Variants in CCDC14 observed in about 807,000 individuals in gnomAD.
The protein encoded by CCDC14 is coiled-coil domain-containing protein 14.
In CCDC14, 71 loss-of-function variants were observed where a neutral mutation model predicts 81.4. That is an observed-to-expected ratio of 0.87 (90% CI 0.72 to 1.06). The LOEUF (loss-of-function observed/expected upper bound fraction) is 1.06. Ranked by LOEUF, CCDC14 falls within the 50% of genes least tolerant of loss-of-function variation. CCDC14 has a pLI of 0.00. For synonymous variants in CCDC14, 332 were observed against 364.8 expected (o/e 0.91, Z 1.03); for missense variants, 1,046 against 1,047.3 (o/e 1.00, Z 0.02).
At chr3:123,945,536 A>T (rs2036582073) in intron 8 of CCDC14, among the ~76,000 whole-genome samples, 1 of 152,122 alleles carries the variant, frequency 6.6e-6, no homozygotes, top group Admixed American at 6.6e-5. Context: ...ATGTGACATC[A>T]AAAGTTTGTT....
intron 12 of CCDC14, among the ~76,000 whole-genome samples, chr3:123,926,534 T>C (rs1232300067): frequency 6.8e-6 from 1 of 146,882 alleles, no homozygotes; most frequent in Non-Finnish European, 1.5e-5. Context: ...TTATATATTA[T>C]TTAATTTATA....
intron 12 of CCDC14, among the ~76,000 whole-genome samples, chr3:123,928,014 T>C (rs1354269226): frequency 1.3e-5 from 2 of 152,200 alleles, no homozygotes; most frequent in Non-Finnish European, 2.9e-5. Context: ...GCTCTGGTCC[T>C]AGTTCAGACA....
chr3:123,958,383 T>C (rs1030254525), intron 1 of CCDC14: 1 of 152,118 alleles, frequency 6.6e-6, no homozygotes, highest in Non-Finnish European at 1.5e-5. Flanking sequence ...GGCTATATTA[T>C]AGAAAATCTG....
downstream of CCDC14, among the ~76,000 whole-genome samples, chr3:123,909,975 T>C (rs2034405426): frequency 6.6e-6 from 1 of 152,226 alleles, no homozygotes; most frequent in South Asian, 2.1e-4. Flanking sequence ...ATGATAATTT[T>C]CATATTTCAT....
intron 12 of CCDC14, among the ~76,000 whole-genome samples, chr3:123,929,056 C>T (rs1418196634): frequency 6.6e-6 from 1 of 152,072 alleles, no homozygotes; most frequent in East Asian, 1.9e-4. Flanking sequence ...AGCAGTATGA[C>T]AAAAAAGATT....
downstream of CCDC14, among the ~76,000 whole-genome samples, chr3:123,909,995 C>A (rs1192489743): frequency 1.3e-5 from 2 of 152,110 alleles, no homozygotes; most frequent in Non-Finnish European, 2.9e-5. Context: ...TTATTCATGG[C>A]CTCTAAAAGC....
intron 8 of CCDC14, 145 bp downstream of exon 8, chr3:123,946,658 T>C: frequency 1.3e-6 from 1 of 783,868 alleles, no homozygotes; most frequent in Non-Finnish European, 2.0e-6. Flanking sequence ...TAAAAAATAA[T>C]ACAATAAGTA....
Position 123,956,015 on chromosome 3 carries a change from G to C in CCDC14, c.229+31C>G, listed in dbSNP as rs1443851058. The C allele has an allele frequency of 1.7e-5, 26 of 1,531,734 alleles. No individual in the cohort carries two copies. The East Asian group carries it at 4.7e-4, about 28-fold the overall frequency. 94.9% of individuals were successfully genotyped at this position (1,531,734 alleles called of 1,614,324 possible). ...ACATCAAAATAATGACTTGAGATAA[G>C]GTGATCAGCAAAGAATTAAAAAAAA... is the stretch of plus-strand genomic sequence containing the variant. On this transcript the variant is annotated intron_variant, in intron 4 of 12. Coordinates refer to ENST00000409697, the MANE Select transcript of CCDC14 (RefSeq NM_001366335.1).
chr3:123,917,357 T>C (rs1394539268), intron 12 of CCDC14, among the ~76,000 whole-genome samples: 14 of 151,362 alleles, frequency 9.2e-5, no homozygotes, highest in Admixed American at 8.5e-4. Flanking sequence ...TAGCTGGGCA[T>C]GGTGATGTGC....
chr3:123,952,481 T>C (rs2037073738), intron 5 of CCDC14: 4 of 367,182 alleles, frequency 1.1e-5, no homozygotes, highest in Admixed American at 1.1e-4. Context: ...AAGTTGCTTA[T>C]TTAAAAAATA....
At chr3:123,905,783 A>G (rs1484341227) in intron 5 of CCDC14, among the ~76,000 whole-genome samples, 1 of 152,216 alleles carries the variant, frequency 6.6e-6, no homozygotes, top group Non-Finnish European at 1.5e-5. Context: ...AGGGGAAAAT[A>G]ATGATATAAA....
intron 5 of CCDC14, chr3:123,954,339 A>G (rs1031448712): frequency 1.3e-5 from 2 of 152,202 alleles, no homozygotes; most frequent in African/African-American, 4.8e-5. Flanking sequence ...TGCAGCACAA[A>G]AACAGCTAAT....
At chr3:123,948,606 A>T in intron 7 of CCDC14, 85 bp downstream of exon 7, 1 of 1,001,688 alleles carries the variant, frequency 1.0e-6, no homozygotes, top group Non-Finnish European at 1.5e-6. Flanking sequence ...TAGTGCATTA[A>T]GTTATAAGCA....
downstream of CCDC14, among the ~76,000 whole-genome samples, chr3:123,912,412 G>A (rs1276834825): frequency 3.3e-5 from 5 of 152,174 alleles, no homozygotes; most frequent in South Asian, 2.1e-4. Context: ...AGACAACTTC[G>A]AACTTAACTA....
Position 123,925,322 on chromosome 3 carries a change from G to C in CCDC14, c.1778+5780C>G, listed in dbSNP as rs139089555. Reference sequence around the variant, plus strand: ...AGTAGAATAGTGGTTACCAGAGACTGGGGTTGTGGTGGATGTAAGGTAGGG... The same window carrying C: ...AGTAGAATAGTGGTTACCAGAGACTCGGGTTGTGGTGGATGTAAGGTAGGG... On this transcript the variant is annotated intron_variant, in intron 12 of 12. Coordinates refer to ENST00000409697, the MANE Select transcript of CCDC14 (RefSeq NM_001366335.1). 5.3e-5 allele frequency among the ~76,000 whole-genome samples: 8 copies of C among 152,232 alleles called. 1 individual carries two copies. In the East Asian group the frequency reaches 1.5e-3, roughly 29 times the overall value.
Position 123,946,894 on chromosome 3 carries a change from T to G in CCDC14, c.1110A>C (p.Val370=). 1 of 1,614,022 alleles carries G rather than the reference T, an allele frequency of 6.2e-7. No individual in the cohort carries two copies. Among genetic ancestry groups the G allele is most frequent in the Non-Finnish European group, 8.5e-7 (1 of 1,179,886 alleles). The part of the protein sequence containing the change: ...HVRDTKTVKD[V]QKAKNVNKTA... ...TCTTGTTCACATTTTTTGCCTTCTG[T>G]ACATCCTTCACTGTTTTTGTATCTC... Residue 370 remains valine (V), a synonymous_variant, in exon 8 of 13, where the codon GTA becomes GTC. Coordinates refer to ENST00000409697, the MANE Select transcript of CCDC14 (RefSeq NM_001366335.1).
chr3:123,900,565 G>A (rs952218936), intron 5 of CCDC14, among the ~76,000 whole-genome samples: 28 of 152,168 alleles, frequency 1.8e-4, no homozygotes, highest in Admixed American at 1.2e-3. Flanking sequence ...GCGACTGGAC[G>A]TTCTATCGGG....
At chr3:123,911,390 G>A (rs1229094477), downstream of CCDC14, among the ~76,000 whole-genome samples, 3 of 152,030 alleles carry the variant, frequency 2.0e-5, no homozygotes, top group South Asian at 2.1e-4. Context: ...TAAGCAATTC[G>A]GAGCAAAAGG....
In CCDC14 at chr3:123,934,659, T is replaced by C. The variant is rs568914417; in HGVS notation, c.1344-904A>G. On this transcript the variant is annotated intron_variant, in intron 9 of 12. Coordinates refer to ENST00000409697, the MANE Select transcript of CCDC14 (RefSeq NM_001366335.1). Reference sequence around the variant, plus strand: ...TCACAATATGTATCTGCTTCACAAATAGAAACATATGCAAGTGTTTTCTTT... The same window carrying C: ...TCACAATATGTATCTGCTTCACAAACAGAAACATATGCAAGTGTTTTCTTT... 1.9e-4 allele frequency among the ~76,000 whole-genome samples: 29 copies of C among 152,316 alleles called. 1 individual carries two copies. The South Asian group carries it at 5.8e-3, about 30-fold the overall frequency.
Sources: gnomAD v4.1 joint callset for allele counts (sites outside exome capture counted in the v4.1 genomes callset) on GRCh38, gnomAD v4.1.1 for gene constraint, MANE v1.5 for transcripts, NCBI Gene and HGNC (gene_info 2026-07-23, HGNC 2026-07-21) for gene names.